Variants in ZMAT4 observed in about 807,000 individuals in gnomAD.
ZMAT4 encodes the protein zinc finger matrin-type 4, also known as zinc finger matrin-type protein 4.
Under a neutral mutation model 28.7 loss-of-function variants are expected in ZMAT4, and 17 were observed. That is an observed-to-expected ratio of 0.59 (90% CI 0.41 to 0.89). The LOEUF (loss-of-function observed/expected upper bound fraction) is 0.89. ZMAT4 is among the 40% of genes least tolerant of loss of function. The pLI, the probability that ZMAT4 is intolerant of heterozygous loss-of-function variation, is 0.00. For missense variants in ZMAT4, 240 were observed against 283.8 expected (o/e 0.85, Z 1.11); for synonymous variants, 117 against 109.2 (o/e 1.07, Z -0.44).
intron 5 of ZMAT4, among the ~76,000 whole-genome samples, chr8:40,670,163 A>G (rs1174870090): frequency 2.6e-5 from 4 of 152,200 alleles, no homozygotes; most frequent in African/African-American, 9.6e-5. Flanking sequence ...GAATGCTGAA[A>G]AATCATTACA....
At chr8:40,888,053 C>A (rs534680314) in intron 1 of ZMAT4, among the ~76,000 whole-genome samples, 1 of 152,264 alleles carries the variant, frequency 6.6e-6, no homozygotes, top group East Asian at 1.9e-4. Context: ...TCCGTGTTCA[C>A]CCTCAGCACT....
At chr8:40,750,341 A>G (rs1812406195) in intron 3 of ZMAT4, among the ~76,000 whole-genome samples, 2 of 152,192 alleles carry the variant, frequency 1.3e-5, no homozygotes, top group African/African-American at 4.8e-5. Flanking sequence ...AGAGGTTACT[A>G]AAGAGAAGCA....
At chr8:40,755,085 A>T (rs923859398) in intron 3 of ZMAT4, among the ~76,000 whole-genome samples, 1 of 152,220 alleles carries the variant, frequency 6.6e-6, no homozygotes, top group African/African-American at 2.4e-5. Context: ...AGCTGTCCTC[A>T]TTGTTTCCAC....
chr8:40,726,901 T>A (rs1409941061), intron 3 of ZMAT4, among the ~76,000 whole-genome samples: 1 of 152,178 alleles, frequency 6.6e-6, no homozygotes, highest in Non-Finnish European at 1.5e-5. Context: ...TTGACTAAGG[T>A]AAAGGTCTCA....
intron 5 of ZMAT4, among the ~76,000 whole-genome samples, chr8:40,642,870 A>G (rs954241953): frequency 6.6e-6 from 1 of 152,180 alleles, no homozygotes; most frequent in African/African-American, 2.4e-5. Context: ...GACCAAAATG[A>G]CTGTCCCAGT....
At chr8:40,636,738 G>A (rs1178825567) in intron 5 of ZMAT4, among the ~76,000 whole-genome samples, 3 of 152,154 alleles carry the variant, frequency 2.0e-5, no homozygotes, top group South Asian at 2.1e-4. Context: ...TGTCTTAGAC[G>A]ATCAAGTAGC....
chr8:40,791,254 G>T (rs1814311261), intron 2 of ZMAT4, among the ~76,000 whole-genome samples: 1 of 152,200 alleles, frequency 6.6e-6, no homozygotes, highest in South Asian at 2.1e-4. Context: ...GGCATCCAGA[G>T]AGTGCAGGGG....
intron 3 of ZMAT4, among the ~76,000 whole-genome samples, chr8:40,739,021 G>A (rs976061305): frequency 6.6e-5 from 10 of 152,150 alleles, no homozygotes; most frequent in Non-Finnish European, 1.2e-4. Context: ...AAGCACACTG[G>A]TTGTCAAGAA....
intron 1 of ZMAT4, among the ~76,000 whole-genome samples, chr8:40,874,301 G>A (rs534532987): frequency 6.6e-6 from 1 of 152,304 alleles, no homozygotes; most frequent in East Asian, 1.9e-4. Context: ...GATCAGCACT[G>A]GGCATTCTTT....
intron 5 of ZMAT4, among the ~76,000 whole-genome samples, chr8:40,607,581 T>C (rs1389576477): frequency 6.6e-6 from 1 of 152,104 alleles, no homozygotes; most frequent in Non-Finnish European, 1.5e-5. Context: ...CAAATGTGAT[T>C]TCTTGGGGAT....
At chr8:40,775,781 T>A (rs949922264) in intron 2 of ZMAT4, among the ~76,000 whole-genome samples, 2 of 152,212 alleles carry the variant, frequency 1.3e-5, no homozygotes, top group Non-Finnish European at 2.9e-5. Context: ...GCAGCCCTCA[T>A]GCCCAATGTG....
At chr8:40,599,656 G>A (rs184784616) in intron 5 of ZMAT4, among the ~76,000 whole-genome samples, 3 of 152,350 alleles carry the variant, frequency 2.0e-5, no homozygotes, top group East Asian at 1.9e-4. Context: ...CAAGAGCTGC[G>A]GAAGCAGATG....
At chr8:40,695,383 G>A (rs543935990) in intron 4 of ZMAT4, among the ~76,000 whole-genome samples, 55 of 152,254 alleles carry the variant, frequency 3.6e-4, no homozygotes, top group African/African-American at 1.2e-3. Flanking sequence ...TCAAAGCAGT[G>A]ACAGAGGGGA....
chr8:40,593,536 C>A (rs973317614), intron 5 of ZMAT4, among the ~76,000 whole-genome samples: 1 of 152,056 alleles, frequency 6.6e-6, no homozygotes, highest in South Asian at 2.1e-4. Flanking sequence ...TGACAACTGT[C>A]GAAGGATTGT....
At chr8:40,812,954 TTAAATTA>T (rs1396523387) in intron 2 of ZMAT4, among the ~76,000 whole-genome samples, 1 of 143,908 alleles carries the variant, frequency 6.9e-6, no homozygotes, top group East Asian at 2.0e-4. Context: ...TTAAATTAAA[TTAAATTA>T]AATTAAATTA....
chr8:40,627,391 C>A (rs779244140), intron 5 of ZMAT4, among the ~76,000 whole-genome samples: 3 of 152,136 alleles, frequency 2.0e-5, no homozygotes, highest in Non-Finnish European at 4.4e-5. Context: ...CACATACACA[C>A]AAACACACAC....
At chr8:40,557,406 C>T (rs75160523) in intron 6 of ZMAT4, among the ~76,000 whole-genome samples, 5,503 of 152,288 alleles carry the variant, frequency 0.036, 185 homozygotes, top group East Asian at 0.13. Flanking sequence ...TCTTTCCTCT[C>T]TGCATTCCAG....
chr8:40,794,562 G>A (rs1036979806), intron 2 of ZMAT4, among the ~76,000 whole-genome samples: 1 of 152,190 alleles, frequency 6.6e-6, no homozygotes, highest in Admixed American at 6.5e-5. Flanking sequence ...CTTAGGGATG[G>A]GGGAAAGACA....
At position 40,767,693 on chromosome 8, in the gene ZMAT4, A is replaced by G; in HGVS notation, c.140T>C (p.Met47Thr). The part of the protein sequence containing the change: ...KHASKVRLYY[M>T]LHPRDGGCPA... ...ACACCCTCCATCCCTGGGGTGAAGC[A>G]TGTAATACAGTCGGACTTTGCTTGC... The change falls in exon 3 of 7, where the codon ATG (methionine) becomes ACG (threonine). Residue 47 changes from methionine (M) to threonine (T), a missense_variant. Transcript: ENST00000297737. 6.2e-7 allele frequency: 1 copy of G among 1,613,196 alleles called. No homozygotes were observed. The highest frequency in any genetic ancestry group is 8.5e-7 in the Non-Finnish European group (1 of 1,179,724).
Sources: gnomAD v4.1 joint callset for allele counts (sites outside exome capture counted in the v4.1 genomes callset) on GRCh38, gnomAD v4.1.1 for gene constraint, MANE v1.5 for transcripts, NCBI Gene and HGNC (gene_info 2026-07-23, HGNC 2026-07-21) for gene names.